The following EPHA5 variants were observed in gnomAD, a reference collection of about 807,000 sequenced individuals.
EPHA5 encodes the protein EPH receptor A5, also known as ephrin type-A receptor 5.
In EPHA5, 60 loss-of-function variants were observed where a neutral mutation model predicts 105.0. That is an observed-to-expected ratio of 0.57 (90% CI 0.46 to 0.71). EPHA5 has a LOEUF of 0.71. Ranked by LOEUF, EPHA5 falls within the 30% of genes least tolerant of loss-of-function variation. The probability of loss-of-function intolerance (pLI) is 0.00; values close to 1 mark genes in which losing one functional copy is unlikely to be tolerated. For synonymous variants in EPHA5, 513 were observed against 449.1 expected, an observed-to-expected ratio of 1.14 and a Z score of -1.80; for missense variants, 1,218 against 1,274.7, an observed-to-expected ratio of 0.96 and a Z score of 0.68.
At chr4:65,349,359 A>G (rs1275059176) in intron 13 of EPHA5, among the ~76,000 whole-genome samples, 1 of 152,018 alleles carries the variant, frequency 6.6e-6, no homozygotes, top group Non-Finnish European at 1.5e-5. Flanking sequence ...ACTTTCTCTT[A>G]GTTCATACAA....
At chr4:65,465,231 T>C (rs187543135) in intron 5 of EPHA5, among the ~76,000 whole-genome samples, 2,449 of 151,224 alleles carry the variant, frequency 0.016, 36 homozygotes, top group Middle Eastern at 0.034. Flanking sequence ...GGGTCAGGAG[T>C]TCAAGACCAG....
intron 5 of EPHA5, among the ~76,000 whole-genome samples, chr4:65,456,779 T>C (rs1727641143): frequency 6.6e-6 from 1 of 151,950 alleles, no homozygotes; most frequent in Non-Finnish European, 1.5e-5. Flanking sequence ...ATATGTCACC[T>C]ATCCACTTTC....
intron 3 of EPHA5, among the ~76,000 whole-genome samples, chr4:65,595,150 GA>G (rs201605652): frequency 0.39 from 44,919 of 116,632 alleles, 7,623 homozygotes; most frequent in African/African-American, 0.55. Flanking sequence ...CACCATTTCA[GA>G]AAAAAAAAAA....
intron 2 of EPHA5, among the ~76,000 whole-genome samples, chr4:65,635,670 T>C (rs1432232279): frequency 6.6e-6 from 1 of 152,172 alleles, no homozygotes; most frequent in Non-Finnish European, 1.5e-5. Flanking sequence ...CACCAAACCA[T>C]TAATTTTATT....
chr4:65,650,452 C>T (rs1048842691), intron 1 of EPHA5, among the ~76,000 whole-genome samples: 6 of 150,002 alleles, frequency 4.0e-5, no homozygotes, highest in African/African-American at 7.4e-5. Flanking sequence ...CCCAGCTATT[C>T]GGGAGGCTGA....
chr4:65,629,957 G>A (rs1423190463), intron 2 of EPHA5, among the ~76,000 whole-genome samples: 1 of 152,104 alleles, frequency 6.6e-6, no homozygotes, highest in Non-Finnish European at 1.5e-5. Flanking sequence ...GCTAAGTGAA[G>A]CAAAGAAATC....
intron 5 of EPHA5, among the ~76,000 whole-genome samples, chr4:65,445,179 A>G (rs1172345193): frequency 1.3e-5 from 2 of 152,104 alleles, no homozygotes; most frequent in East Asian, 1.9e-4. Context: ...AAATCAATCT[A>G]TACTTTAAAA....
intron 2 of EPHA5, among the ~76,000 whole-genome samples, chr4:65,621,848 C>A (rs540024650): frequency 6.6e-6 from 1 of 152,004 alleles, no homozygotes; most frequent in Non-Finnish European, 1.5e-5. Flanking sequence ...TGCATCCCTA[C>A]GTATGTCTGT....
At chr4:65,485,529 G>A (rs1229943147) in intron 5 of EPHA5, among the ~76,000 whole-genome samples, 1 of 152,056 alleles carries the variant, frequency 6.6e-6, no homozygotes, top group Non-Finnish European at 1.5e-5. Context: ...AGTCCAGATA[G>A]CTTCCCCTAA....
intron 1 of EPHA5, among the ~76,000 whole-genome samples, chr4:65,654,197 A>G (rs1182078323): frequency 6.6e-6 from 1 of 151,868 alleles, no homozygotes; most frequent in African/African-American, 2.4e-5. Flanking sequence ...TTCTGTCTTC[A>G]TAGAACCCAA....
intron 2 of EPHA5, among the ~76,000 whole-genome samples, chr4:65,614,563 G>A (rs557888530): frequency 6.6e-6 from 1 of 151,870 alleles, no homozygotes; most frequent in South Asian, 2.1e-4. Flanking sequence ...AGCAAAGATG[G>A]ATTAGAGGGC....
At chr4:65,330,767 G>A (rs1320615604) in intron 16 of EPHA5, 1 of 1,022,836 alleles carries the variant, frequency 9.8e-7, no homozygotes, top group African/African-American at 1.7e-5. Flanking sequence ...AGCACAAATG[G>A]GTTCCTTGAG....
intron 8 of EPHA5, among the ~76,000 whole-genome samples, chr4:65,393,597 C>G (rs766004177): frequency 2.0e-5 from 3 of 152,142 alleles, no homozygotes; most frequent in African/African-American, 7.2e-5. Flanking sequence ...TTAATCAATG[C>G]CTTTAAATAC....
intron 16 of EPHA5, 133 bp from the exon 17 acceptor site, chr4:65,324,352 A>T (rs1425147613): frequency 1.1e-5 from 6 of 560,096 alleles, no homozygotes; most frequent in Middle Eastern, 2.7e-4. Context: ...TACAGAGTCT[A>T]GTTTTTAAAG....
At chr4:65,630,650 C>T (rs909000536) in intron 2 of EPHA5, among the ~76,000 whole-genome samples, 2 of 152,160 alleles carry the variant, frequency 1.3e-5, no homozygotes, top group Non-Finnish European at 2.9e-5. Flanking sequence ...TGCTCTAACA[C>T]TTGCCTCAGA....
At chr4:65,348,693 TATATAAAATATATATGTGTGTG>T (rs1202237488) in intron 13 of EPHA5, among the ~76,000 whole-genome samples, 2 of 59,418 alleles carry the variant, frequency 3.4e-5, no homozygotes, top group Admixed American at 3.9e-4. Flanking sequence ...TATATATATA[TATATAAAATATATATGTGTGTG>T]TATATATATG....
intron 11 of EPHA5, among the ~76,000 whole-genome samples, chr4:65,359,714 G>A (rs1717090145): frequency 6.6e-6 from 1 of 151,484 alleles, no homozygotes; most frequent in African/African-American, 2.4e-5. Context: ...TCATTATACT[G>A]ACCTAATCCA....
At position 65,321,756 on chromosome 4, in the gene EPHA5, C is replaced by T. The variant is rs550863295; in HGVS notation, c.*2358G>A. The T allele has an allele frequency of 1.3e-5, 3 of 228,008 alleles. No homozygotes were observed. The highest frequency in any genetic ancestry group is 4.4e-5 in the African/African-American group (2 of 45,114). 14.1% of individuals were successfully genotyped at this position (228,008 alleles called of 1,614,324 possible). A position where few individuals can be genotyped will look rare whatever the true frequency, so the allele number is the denominator to read the frequency against. On this transcript the variant is annotated 3_prime_UTR_variant, in exon 17 of 17. Transcript: ENST00000613740. ...TCTAGTCATTTAGATACACTCCACC[C>T]GGACCTCCTAATTATCTTTCAGCAT...
Position 65,545,591 on chromosome 4 carries a change from A to G in EPHA5, c.911-50048T>C, listed in dbSNP as rs138418769. ...AATGAATTGACATAATAGGACACAGATGAAATAGAAAACATAAAACAAAGA... is the reference window on the plus strand; with the variant it reads ...AATGAATTGACATAATAGGACACAGGTGAAATAGAAAACATAAAACAAAGA... On this transcript the variant is annotated intron_variant, in intron 3 of 16. Coordinates refer to ENST00000613740, the MANE Select transcript of EPHA5 (RefSeq NM_001281766.3). Among the ~76,000 whole-genome samples the G allele has an allele frequency of 1.6e-3, 245 of 152,102 alleles. 3 individuals are homozygous for G. In the Middle Eastern group the frequency reaches 0.017, roughly 11 times the overall value.
Sources: allele counts gnomAD v4.1 joint callset (sites outside exome capture counted in the v4.1 genomes callset), GRCh38; gene constraint gnomAD v4.1.1; transcripts MANE v1.5; gene names NCBI Gene and HGNC (gene_info 2026-07-23, HGNC 2026-07-21).